HECW2: variants seen among roughly 807,000 people sequenced by gnomAD.
HECW2 encodes the protein E3 ubiquitin-protein ligase HECW2.
Under a neutral mutation model 175.2 loss-of-function variants are expected in HECW2, and 61 were observed. The ratio of observed to expected loss-of-function variants is 0.35; its 90% confidence interval spans 0.28 to 0.43. HECW2 has a LOEUF of 0.43. HECW2 is among the 20% of genes least tolerant of loss of function. The probability of loss-of-function intolerance (pLI) is 1.00; values close to 1 mark genes in which losing one functional copy is unlikely to be tolerated. For synonymous variants in HECW2, 671 were observed against 731.0 expected, an observed-to-expected ratio of 0.92 and a Z score of 1.32; for missense variants, 1,524 against 2,000.5, an observed-to-expected ratio of 0.76 and a Z score of 4.54.
At chr2:196,453,530 C>A (rs1238769945) in intron 1 of HECW2, among the ~76,000 whole-genome samples, 1 of 152,106 alleles carries the variant, frequency 6.6e-6, no homozygotes, top group Non-Finnish European at 1.5e-5. Flanking sequence ...CCATACAGAG[C>A]ATCTCAGAGA....
At chr2:196,502,431 A>G (rs916011773) in intron 1 of HECW2, among the ~76,000 whole-genome samples, 7 of 152,220 alleles carry the variant, frequency 4.6e-5, no homozygotes, top group Non-Finnish European at 1.0e-4. Context: ...CACATAACTG[A>G]GGACCCCTAA....
rs1181547346 is a variant in HECW2 at position 196,220,702 on chromosome 2, C to T, written c.4293+93G>A. ...ATGGAAAGAGCAACAGTAAATACAG[C>T]AGAAATAGTCTACACATGTAAAGTA... On this transcript the variant is annotated intron_variant, in intron 25 of 28. Transcript: ENST00000644978. 7 of 1,319,696 alleles carry T rather than the reference C, an allele frequency of 5.3e-6. No individual in the cohort carries two copies. In the East Asian group the frequency reaches 1.6e-4, roughly 31 times the overall value. The allele number at this position is 1,319,696 out of a possible 1,614,324, so 81.7% of individuals were successfully genotyped here.
chr2:196,564,174 A>G (rs1209585256), intron 1 of HECW2, among the ~76,000 whole-genome samples: 1 of 152,172 alleles, frequency 6.6e-6, no homozygotes, highest in African/African-American at 2.4e-5. Flanking sequence ...AAACAGACAA[A>G]TCCAGAATAT....
Position 196,318,770 on chromosome 2 carries a change from A to G in HECW2, c.2120T>C (p.Leu707Ser). 6.6e-7 allele frequency: 1 copy of G among 1,526,192 alleles called. No individual in the cohort carries two copies. 94.5% of individuals were successfully genotyped at this position (1,526,192 alleles called of 1,614,324 possible). The change falls in exon 9 of 29, where the codon TTA becomes TCA. Residue 707 changes from leucine (L) to serine (S), a missense_variant. This residue lies in a region of HECW2 where 604 missense variants were observed against 588.3 expected (regional missense o/e 1.03). Coordinates refer to ENST00000644978, the MANE Select transcript of HECW2 (RefSeq NM_001348768.2). ...SQESVCTAGS[L>S]PVVQVPSGED... ...CCCACTGGGCACCTGTACCACAGGT[A>G]AAGAACCAGCAGTGCACACGGATTC...
At chr2:196,550,532 G>A (rs1424579552) in intron 1 of HECW2, among the ~76,000 whole-genome samples, 1 of 151,900 alleles carries the variant, frequency 6.6e-6, no homozygotes, top group Non-Finnish European at 1.5e-5. Flanking sequence ...AATGTTATTA[G>A]GAATAAAGTG....
intron 25 of HECW2, among the ~76,000 whole-genome samples, chr2:196,220,500 T>C (rs989968718): frequency 6.6e-6 from 1 of 152,230 alleles, no homozygotes; most frequent in African/African-American, 2.4e-5. Flanking sequence ...AGCATGAGAT[T>C]TGATTACCCA....
At chr2:196,543,338 G>A (rs1008559296) in intron 1 of HECW2, among the ~76,000 whole-genome samples, 113 of 151,084 alleles carry the variant, frequency 7.5e-4, no homozygotes, top group African/African-American at 2.7e-3. Context: ...TGTTCTGTGT[G>A]TAGAACATTC....
chr2:196,460,719 T>C (rs1418136092), intron 1 of HECW2, among the ~76,000 whole-genome samples: 3 of 147,286 alleles, frequency 2.0e-5, no homozygotes, highest in Middle Eastern at 3.3e-3. Flanking sequence ...CAAATGATCC[T>C]CCCACCTCAG....
At chr2:196,535,061 A>C (rs1041933080) in intron 1 of HECW2, among the ~76,000 whole-genome samples, 2 of 152,104 alleles carry the variant, frequency 1.3e-5, no homozygotes, top group African/African-American at 2.4e-5. Context: ...AAAAAAAAAA[A>C]AACAAAAAAC....
chr2:196,258,471 T>C (rs756021241), intron 17 of HECW2, among the ~76,000 whole-genome samples: 1 of 152,212 alleles, frequency 6.6e-6, no homozygotes, highest in Non-Finnish European at 1.5e-5. Flanking sequence ...TGAAATACTT[T>C]GCTACAACAG....
At chr2:196,390,534 C>T (rs1694475674) in intron 2 of HECW2, among the ~76,000 whole-genome samples, 1 of 152,196 alleles carries the variant, frequency 6.6e-6, no homozygotes, top group African/African-American at 2.4e-5. Flanking sequence ...GCTTACTAGC[C>T]TTTTCTGTGC....
chr2:196,229,386 A>T (rs189583486), intron 21 of HECW2, among the ~76,000 whole-genome samples: 3 of 152,238 alleles, frequency 2.0e-5, no homozygotes, highest in South Asian at 4.1e-4. Context: ...TAGGCAGGGC[A>T]TGTTGGCTCA....
At chr2:196,555,487 G>C (rs1000917817) in intron 1 of HECW2, among the ~76,000 whole-genome samples, 1 of 152,026 alleles carries the variant, frequency 6.6e-6, no homozygotes, top group Non-Finnish European at 1.5e-5. Context: ...GGTGGTGTGG[G>C]GACACAAACA....
intron 1 of HECW2, among the ~76,000 whole-genome samples, chr2:196,530,397 C>T (rs1688801822): frequency 6.6e-6 from 1 of 152,158 alleles, no homozygotes; most frequent in South Asian, 2.1e-4. Flanking sequence ...TATATTATGC[C>T]TAACAGATAA....
chr2:196,568,277 A>C (rs1379189112), intron 1 of HECW2, among the ~76,000 whole-genome samples: 5 of 152,216 alleles, frequency 3.3e-5, no homozygotes, highest in African/African-American at 9.6e-5. Context: ...CCATTATATG[A>C]AATCTTACAT....
chr2:196,590,297 C>A (rs2125539787), intron 1 of HECW2, among the ~76,000 whole-genome samples: 2 of 152,310 alleles, frequency 1.3e-5, no homozygotes, highest in East Asian at 3.9e-4. Flanking sequence ...TATCCTGATA[C>A]AAAAGGCATC....
chr2:196,504,352 T>G (rs1687681314), intron 1 of HECW2, among the ~76,000 whole-genome samples: 1 of 147,828 alleles, frequency 6.8e-6, no homozygotes, highest in South Asian at 2.1e-4. Flanking sequence ...TAACCACAGG[T>G]GCCGGGACCC....
At chr2:196,219,890 T>C (rs1687605820) in intron 26 of HECW2, 149 bp downstream of exon 26, 3 of 611,308 alleles carry the variant, frequency 4.9e-6, no homozygotes, top group African/African-American at 1.8e-5. Flanking sequence ...GAAGAGAATG[T>C]ACCTTGCCCA....
Position 196,318,689 on chromosome 2 carries a change from C to T in HECW2, c.2201G>A (p.Gly734Glu), listed in dbSNP as rs1247065147. 1 of 1,592,626 alleles carries T rather than the reference C, an allele frequency of 6.3e-7. No homozygotes were observed. Among genetic ancestry groups the T allele is most frequent in the Admixed American group, 1.8e-5 (1 of 56,798 alleles). The change falls in exon 9 of 29, where the codon GGG becomes GAG. Residue 734 changes from glycine (G) to glutamate (E), a missense_variant. Physicochemically the swap from Gly to Glu is moderately conservative, Grantham distance 98. Transcript: ENST00000644978. Reference sequence around the variant, plus strand: ...GCTCCCCCTCCGCTGCCAGACCTCCCCCAGCTCCTCCTGGTCAGGTACAGT... The same window carrying T: ...GCTCCCCCTCCGCTGCCAGACCTCCTCCAGCTCCTCCTGGTCAGGTACAGT... ...SATVPDQEELGEVWQRRGSLE... is the reference protein window; with the variant it reads ...SATVPDQEELEEVWQRRGSLE...
Sources: allele counts gnomAD v4.1 joint callset (sites outside exome capture counted in the v4.1 genomes callset), GRCh38; gene constraint gnomAD v4.1.1; regional missense constraint gnomAD v4.1.1; transcripts MANE v1.5; gene names NCBI Gene and HGNC (gene_info 2026-07-23, HGNC 2026-07-21).